PES1: variants seen among roughly 807,000 people sequenced by gnomAD.
PES1 encodes the protein pescadillo homolog.
In PES1, 31 loss-of-function variants were observed where a neutral mutation model predicts 77.1. That is an observed-to-expected ratio of 0.40 (90% confidence interval 0.30 to 0.54). The LOEUF is 0.54. Ranked by LOEUF, PES1 falls within the 20% of genes least tolerant of loss-of-function variation. The pLI is 0.45. For missense variants in PES1, 658 were observed against 771.7 expected, an observed-to-expected ratio of 0.85 and a Z score of 1.75; for synonymous variants, 282 against 303.0, an observed-to-expected ratio of 0.93 and a Z score of 0.72.
Position 30,584,412 on chromosome 22 carries a change from G to A in PES1, c.583C>T (p.Leu195=), listed in dbSNP as rs1321349315. The change falls in exon 6 of 15, where the codon CTG becomes TTG. Residue 195 remains leucine, a synonymous_variant. Transcript: ENST00000354694. ...IKGIYYQAEV[L]GQPIVWITPY... ...GTGATCCACACGATGGGCTGCCCCA[G>A]TACCTCGGCCTGGTAGTAAATGCCT... The A allele has an allele frequency of 1.2e-6, 2 of 1,612,582 alleles. No homozygotes were observed. Among genetic ancestry groups the A allele is most frequent in the Non-Finnish European group, 1.7e-6 (2 of 1,179,360 alleles).
intron 2 of PES1, among the ~76,000 whole-genome samples, chr22:30,599,064 C>T (rs1569031850): frequency 1.3e-5 from 2 of 151,220 alleles, no homozygotes; most frequent in Non-Finnish European, 2.9e-5. Flanking sequence ...TGACCAGCTA[C>T]TTTTTGTATT....
chr22:30,584,810 C>T (rs2087051144), intron 4 of PES1, 93 bp from the exon 5 acceptor site: 1 of 1,337,364 alleles, frequency 7.5e-7, no homozygotes, highest in African/African-American at 1.4e-5. Flanking sequence ...TGCCCCGTTC[C>T]TCAAGCCAGG....
chr22:30,587,386 G>T lies in PES1; in HGVS notation c.268C>A (p.Arg90=). The change falls in exon 4 of 15, where the codon CGG becomes AGG. Residue 90 remains arginine, a synonymous_variant. Transcript: ENST00000354694. ...TTCCCATAAGCCTTCCGGAGCTTCC[G>T]GACGAACACCTGGAAGAAAGAAAGA... The part of the protein sequence containing the change: ...NKFREYKVFV[R]KLRKAYGKSE... 1 of 1,613,020 alleles carries T rather than the reference G, an allele frequency of 6.2e-7. No homozygotes were observed. Among genetic ancestry groups the T allele is most frequent in the Non-Finnish European group, 8.5e-7 (1 of 1,179,114 alleles).
Position 30,578,920 on chromosome 22 carries a change from G to C in PES1, c.1600C>G (p.Arg534Gly), listed in dbSNP as rs766577429. ...TTCTTCATCATCATAATGGCCAGGC[G>C]CTTGGCCTCACTCTCCTCCTCCTGG... ...LAQEEESEAK[R>G]LAIMMMKKRE... The change falls in exon 14 of 15, where the codon CGC becomes GGC. Residue 534 changes from arginine to glycine, a missense_variant. By Grantham distance (125) the Arg-to-Gly change is moderately radical. Transcript: ENST00000354694. 10 of 1,613,480 alleles carry C rather than the reference G, an allele frequency of 6.2e-6. No homozygotes were observed. The South Asian group carries it at 9.9e-5, about 16-fold the overall frequency.
intron 2 of PES1, among the ~76,000 whole-genome samples, chr22:30,600,740 C>T (rs759779711): frequency 2.6e-5 from 4 of 151,998 alleles, no homozygotes; most frequent in Admixed American, 2.0e-4. Flanking sequence ...GGCGTGAACC[C>T]GGAGGCAGAG....
At chr22:30,577,776 G>A (rs759758558) in intron 14 of PES1, among the ~76,000 whole-genome samples, 71 of 152,262 alleles carry the variant, frequency 4.7e-4, no homozygotes, top group Non-Finnish European at 8.8e-4. Context: ...GATTACAGGC[G>A]TGAGCCACCA....
intron 2 of PES1, among the ~76,000 whole-genome samples, chr22:30,600,810 C>G (rs1279106560): frequency 6.6e-6 from 1 of 152,050 alleles, no homozygotes; most frequent in Non-Finnish European, 1.5e-5. Flanking sequence ...GCGCGAGACT[C>G]CATCTCAAAA....
chr22:30,603,797 A>G (rs993162871), intron 2 of PES1: 2 of 152,170 alleles, frequency 1.3e-5, no homozygotes, highest in Admixed American at 1.3e-4. Flanking sequence ...CATGCATACA[A>G]TTTTATTTTT....
rs1295816715 is a variant in PES1 at position 30,605,708 on chromosome 22, G to T, written c.-717-191C>A. On this transcript the variant is annotated intron_variant, in intron 1 of 16. Transcript: ENST00000402281. ...CCCTCCTTCCTCAGAACCTCCAGGG[G>T]TGCTCCTCCTAGTGGCCACATCCAG... Among the ~76,000 whole-genome samples, 5 of 152,256 alleles carry T rather than the reference G, an allele frequency of 3.3e-5. No individual in the cohort carries two copies. The East Asian group carries it at 9.7e-4, about 29-fold the overall frequency.
chr22:30,601,695 T>G (rs1461355941), intron 2 of PES1: 1 of 152,222 alleles, frequency 6.6e-6, no homozygotes, highest in African/African-American at 2.4e-5. Context: ...TGTATAGATG[T>G]ACCGCAATTT....
chr22:30,580,200 AC>A, intron 10 of PES1, 22 bp from the exon 11 acceptor site: 1 of 1,597,998 alleles, frequency 6.3e-7, no homozygotes, highest in Middle Eastern at 1.7e-4. Context: ...GGGAGAGCCC[AC>A]ACGGGTACAC....
chr22:30,604,500 G>A (rs1159163274), intron 2 of PES1, among the ~76,000 whole-genome samples: 1 of 152,048 alleles, frequency 6.6e-6, no homozygotes, highest in Non-Finnish European at 1.5e-5. Flanking sequence ...GGGGGTGGTG[G>A]CGCATGCCTG....
At chr22:30,598,885 A>AATTTTTTTTTTTT (rs1555892987) in intron 2 of PES1, among the ~76,000 whole-genome samples, 1 of 51,190 alleles carries the variant, frequency 2.0e-5, no homozygotes, top group Non-Finnish European at 3.4e-5. Context: ...CTTAAGTAAA[A>AATTTTTTTTTTTT]TTTTTTTTTT....
chr22:30,605,107 C>CT (rs2087417522), intron 2 of PES1, among the ~76,000 whole-genome samples: 2 of 152,128 alleles, frequency 1.3e-5, no homozygotes, highest in Admixed American at 1.3e-4. Context: ...GATCCTCCCA[C>CT]TTGTAGCCTC....
At chr22:30,600,762 C>A (rs1312078244) in intron 2 of PES1, among the ~76,000 whole-genome samples, 2 of 152,164 alleles carry the variant, frequency 1.3e-5, no homozygotes, top group South Asian at 4.1e-4. Context: ...TTGCAGTGAG[C>A]CGAGATCGCG....
At chr22:30,582,389 A>C (rs1357326844) in intron 6 of PES1, among the ~76,000 whole-genome samples, 3 of 152,224 alleles carry the variant, frequency 2.0e-5, no homozygotes, top group Admixed American at 2.0e-4. Context: ...CTCTTGGGAA[A>C]TGGCCAGCAG....
rs1341606030 is a variant in PES1, at chr22:30,587,413, AAC to A, written c.259-20_259-19del. 7 of 1,581,326 alleles carry A rather than the reference AAC, an allele frequency of 4.4e-6. No individual in the cohort carries two copies. The Admixed American group carries it at 5.0e-5, about 11-fold the overall frequency. On this transcript the variant is annotated intron_variant, in intron 3 of 14. Coordinates refer to ENST00000354694, the MANE Select transcript of PES1 (RefSeq NM_014303.4). The stretch of plus-strand genomic sequence containing the variant: ...ACGAACACCTGGAAGAAAGAAAGAA[AAC>A]ACCTCAATGCTGAGGCTCAGGTCTC...
rs770724092 is a variant in PES1 at position 30,589,224 on chromosome 22, C to T, written c.71G>A (p.Arg24Gln). 8.5e-5 allele frequency: 137 copies of T among 1,613,888 alleles called. No homozygotes were observed. Among genetic ancestry groups the T allele is most frequent in the Non-Finnish European group, 1.1e-4 (129 of 1,179,958 alleles). The change falls in exon 2 of 15, where the codon CGG (arginine) becomes CAG (glutamine). Residue 24 changes from arginine to glutamine, a missense_variant. Coordinates refer to ENST00000354694, the MANE Select transcript of PES1 (RefSeq NM_014303.4). Reference sequence around the variant, plus strand: ...AGCCAAGCTCAGCTGGAGCTTCTTCCGGGCTTTGTTCCGGGTGATGTAGTT... The same window carrying T: ...AGCCAAGCTCAGCTGGAGCTTCTTCTGGGCTTTGTTCCGGGTGATGTAGTT... Reference protein sequence around the residue: ...ATNYITRNKARKKLQLSLADF... With the variant: ...ATNYITRNKAQKKLQLSLADF...
intron 10 of PES1, 111 bp downstream of exon 10, chr22:30,580,460 A>C (rs983795865): frequency 4.2e-6 from 6 of 1,421,382 alleles, no homozygotes; most frequent in African/African-American, 1.4e-5. Flanking sequence ...ACACTGTTTC[A>C]TAAGAAGTGG....
Sources: allele counts gnomAD v4.1 joint callset (sites outside exome capture counted in the v4.1 genomes callset), GRCh38; gene constraint gnomAD v4.1.1; transcripts MANE v1.5; gene names NCBI Gene and HGNC (gene_info 2026-07-23, HGNC 2026-07-21).